Variants in FAM83B observed in about 807,000 individuals in gnomAD.
FAM83B encodes protein FAM83B.
A neutral mutation model predicts 38.8 loss-of-function variants in FAM83B; 26 were observed. That is an observed-to-expected ratio of 0.67 (90% CI 0.49 to 0.93). FAM83B has a LOEUF of 0.93. Ranked by LOEUF, FAM83B falls within the 40% of genes least tolerant of loss-of-function variation. The pLI, the probability that FAM83B is intolerant of heterozygous loss-of-function variation, is 0.00. For synonymous variants in FAM83B, 419 were observed against 423.1 expected, an observed-to-expected ratio of 0.99 and a Z score of 0.12; for missense variants, 1,237 against 1,197.3, an observed-to-expected ratio of 1.03 and a Z score of -0.49.
chr6:54,886,995 G>A (rs1772292078), intron 2 of FAM83B, among the ~76,000 whole-genome samples: 1 of 151,812 alleles, frequency 6.6e-6, no homozygotes, highest in East Asian at 1.9e-4. Context: ...TTTCCAAATC[G>A]TTTCGAATTT....
At position 54,867,323 on chromosome 6, in the gene FAM83B, G is replaced by A. The variant is rs1344878288; in HGVS notation, c.-60-2864G>A. Among the ~76,000 whole-genome samples the A allele has an allele frequency of 2.6e-5, 4 of 151,872 alleles. No individual in the cohort carries two copies. The South Asian group carries it at 6.2e-4, about 24-fold the overall frequency. On this transcript the variant is annotated intron_variant, in intron 1 of 4. Transcript: ENST00000306858. ...GATATTTAATTGCAATACTCACTAT[G>A]CAAGTGCCATTACCCTGTAGTTCTC...
chr6:54,939,952 C>G lies in FAM83B; in HGVS notation c.981C>G (p.Asp327Glu). Residue 327 changes from aspartate (D) to glutamate (E), a missense_variant, in exon 5 of 5, where the codon GAC becomes GAG. Coordinates refer to ENST00000306858, the MANE Select transcript of FAM83B (RefSeq NM_001010872.3). ...SSQRNLFGRQDKIHKLDSSYF... is the reference protein window; with the variant it reads ...SSQRNLFGRQEKIHKLDSSYF... Reference sequence around the variant, plus strand: ...AGAGAAACCTTTTTGGTAGACAAGACAAGATTCATAAACTAGATTCCAGTT... The same window carrying G: ...AGAGAAACCTTTTTGGTAGACAAGAGAAGATTCATAAACTAGATTCCAGTT... 1 of 1,613,994 alleles carries G rather than the reference C, an allele frequency of 6.2e-7. No individual in the cohort carries two copies. Among genetic ancestry groups the G allele is most frequent in the East Asian group, 2.2e-5 (1 of 44,878 alleles).
intron 2 of FAM83B, among the ~76,000 whole-genome samples, chr6:54,884,930 G>A (rs1772238197): frequency 2.0e-5 from 3 of 151,996 alleles, no homozygotes; most frequent in East Asian, 3.9e-4. Flanking sequence ...CCGCCACCAC[G>A]CCCGGCTAAT....
intron 4 of FAM83B, among the ~76,000 whole-genome samples, chr6:54,929,998 C>T (rs754446014): frequency 6.6e-5 from 10 of 151,958 alleles, no homozygotes; most frequent in Non-Finnish European, 1.2e-4. Flanking sequence ...TTATTTCATC[C>T]CTTAAATAAC....
chr6:54,849,772 T>G (rs1338980741), intron 1 of FAM83B, among the ~76,000 whole-genome samples: 1 of 127,218 alleles, frequency 7.9e-6, no homozygotes, highest in Admixed American at 7.9e-5. Flanking sequence ...TAAGGGCACA[T>G]GACATTTATC....
intron 2 of FAM83B, among the ~76,000 whole-genome samples, chr6:54,890,202 A>G (rs1739948891): frequency 1.3e-5 from 2 of 151,048 alleles, no homozygotes; most frequent in African/African-American, 4.9e-5. Context: ...AAATTATTTG[A>G]CACATTGAAA....
chr6:54,855,367 A>G (rs555124543), intron 1 of FAM83B, among the ~76,000 whole-genome samples: 1 of 152,334 alleles, frequency 6.6e-6, no homozygotes, highest in African/African-American at 2.4e-5. Flanking sequence ...TACAATTTCT[A>G]TGTCTGTTAA....
At chr6:54,920,856 C>A (rs1773151033) in intron 2 of FAM83B, among the ~76,000 whole-genome samples, 1 of 151,894 alleles carries the variant, frequency 6.6e-6, no homozygotes, top group Non-Finnish European at 1.5e-5. Context: ...TTTCCCAACA[C>A]ACTGTTTTGA....
chr6:54,878,125 C>G (rs181819965), intron 2 of FAM83B, among the ~76,000 whole-genome samples: 64 of 152,304 alleles, frequency 4.2e-4, no homozygotes, highest in Non-Finnish European at 7.1e-4. Flanking sequence ...AAAGGAGAAT[C>G]AGGTAATGAA....
In FAM83B at chr6:54,912,432, AC is replaced by A. The variant is rs1301507643; in HGVS notation, c.445-13938del. Among the ~76,000 whole-genome samples the A allele has an allele frequency of 1.2e-4, 18 of 150,736 alleles. 1 individual carries two copies. The highest frequency in any genetic ancestry group is 3.2e-4 in the African/African-American group (13 of 41,190). On this transcript the variant is annotated intron_variant, in intron 2 of 4. Transcript: ENST00000306858. ...TAATTTCCCCAGCCAAAAAAAAAAA[AC>A]AACAAAAAAAGATTCTGACGGTGAG...
At chr6:54,892,943 T>G (rs1489137055) in intron 2 of FAM83B, among the ~76,000 whole-genome samples, 1 of 151,992 alleles carries the variant, frequency 6.6e-6, no homozygotes, top group East Asian at 1.9e-4. Flanking sequence ...TTCTTCTGGA[T>G]TATCCACTCT....
rs184353053 is a variant in FAM83B, at chr6:54,919,425, T to C, written c.445-6946T>C. Among the ~76,000 whole-genome samples the C allele has an allele frequency of 3.2e-3, 484 of 152,242 alleles. 1 individual carries two copies. The highest frequency in any genetic ancestry group is 0.011 in the African/African-American group (461 of 41,558). On this transcript the variant is annotated intron_variant, in intron 2 of 4. Coordinates refer to ENST00000306858, the MANE Select transcript of FAM83B (RefSeq NM_001010872.3). ...CATACACTAGTATTCATTTTATAAA[T>C]TAATTTTGCTGTAACAGAACCCAAA...
chr6:54,850,177 A>C (rs890632753), intron 1 of FAM83B, among the ~76,000 whole-genome samples: 1 of 152,216 alleles, frequency 6.6e-6, no homozygotes, highest in African/African-American at 2.4e-5. Flanking sequence ...TATTCTCTGA[A>C]GGTCACAGCA....
chr6:54,929,420 T>C (rs897705624), intron 4 of FAM83B, among the ~76,000 whole-genome samples: 6 of 152,144 alleles, frequency 3.9e-5, no homozygotes, highest in Admixed American at 6.6e-5. Flanking sequence ...AGAATCTGTA[T>C]TTACCACAGT....
Position 54,940,110 on chromosome 6 carries a change from TA to T in FAM83B, c.1142del (p.Asn381MetfsTer26). 3.7e-6 allele frequency: 6 copies of T among 1,614,050 alleles called. No homozygotes were observed. The highest frequency in any genetic ancestry group is 5.1e-6 in the Non-Finnish European group (6 of 1,180,006). On this transcript the variant is annotated frameshift_variant, in exon 5 of 5. Transcript: ENST00000306858. LOFTEE classifies it low-confidence loss of function (END_TRUNC). Reference sequence around the variant, plus strand: ...ATACGTCAGTTTCAACCCAATCAGATAAATGAAAATTGGAAAAGGCATAGTT... The same window carrying T: ...ATACGTCAGTTTCAACCCAATCAGATAATGAAAATTGGAAAAGGCATAGTT... The part of the protein sequence containing the change: ...NAIRQFQPNQ[I>X]NENWKRHSYA...
Position 54,942,301 on chromosome 6 carries a change from C to T in FAM83B, c.*294C>T, listed in dbSNP as rs928465539. 6.6e-6 allele frequency among the ~76,000 whole-genome samples: 1 copy of T among 151,972 alleles called. No homozygotes were observed. Among genetic ancestry groups the T allele is most frequent in the East Asian group, 1.9e-4 (1 of 5,176 alleles). On this transcript the variant is annotated 3_prime_UTR_variant, in exon 5 of 5. Coordinates refer to ENST00000306858, the MANE Select transcript of FAM83B (RefSeq NM_001010872.3). ...AGTCTCACTTAGAAATTTTTGTGGA[C>T]GATGTATGGTGTATGGTGTATGGTG... is the stretch of plus-strand genomic sequence containing the variant.
chr6:54,851,740 C>T (rs1310883186), intron 1 of FAM83B, among the ~76,000 whole-genome samples: 7 of 145,438 alleles, frequency 4.8e-5, no homozygotes, highest in South Asian at 4.5e-4. Context: ...CTCCGCCTCC[C>T]GGGTTCATGC....
At chr6:54,880,690 G>A (rs909433971) in intron 2 of FAM83B, among the ~76,000 whole-genome samples, 3 of 152,128 alleles carry the variant, frequency 2.0e-5, no homozygotes, top group East Asian at 1.9e-4. Context: ...TGATCTGTCC[G>A]CCTCGGCCTC....
rs376811005 is a variant in FAM83B at position 54,940,449 on chromosome 6, G to A, written c.1478G>A (p.Arg493His). The A allele has an allele frequency of 6.8e-5, 109 of 1,613,874 alleles. No individual in the cohort carries two copies. The highest frequency in any genetic ancestry group is 4.9e-4 in the Middle Eastern group (3 of 6,080). Residue 493 changes from arginine to histidine, a missense_variant, in exon 5 of 5, where the codon CGT becomes CAT. Transcript: ENST00000306858. The stretch of plus-strand genomic sequence containing the variant: ...GAACATACCACAAAGTCATTCCTAC[G>A]TAACTGGAGAATTGAATCCTACTTA... ...TLEHTTKSFL[R>H]NWRIESYLND... is the part of the protein sequence containing the mutation.
Sources: allele counts gnomAD v4.1 joint callset (sites outside exome capture counted in the v4.1 genomes callset), GRCh38; gene constraint gnomAD v4.1.1; transcripts MANE v1.5; gene names NCBI Gene and HGNC (gene_info 2026-07-23, HGNC 2026-07-21).